Variants in PRDM16 observed in about 807,000 individuals in gnomAD.
PRDM16 encodes the protein histone-lysine N-methyltransferase PRDM16.
A neutral mutation model predicts 110.6 loss-of-function variants in PRDM16; 23 were observed. That is an observed-to-expected ratio of 0.21 (90% CI 0.15 to 0.29). PRDM16 has a LOEUF of 0.29. PRDM16 is among the 10% of genes least tolerant of loss of function. The probability of loss-of-function intolerance (pLI) is 1.00; values close to 1 mark genes in which losing one functional copy is unlikely to be tolerated. For missense variants in PRDM16, 1,615 were observed against 1,794.3 expected, an observed-to-expected ratio of 0.90 and a Z score of 1.81; for synonymous variants, 799 against 781.8, an observed-to-expected ratio of 1.02 and a Z score of -0.37.
At chr1:3,194,105 G>A (rs528620259) in intron 2 of PRDM16, among the ~76,000 whole-genome samples, 2 of 152,238 alleles carry the variant, frequency 1.3e-5, no homozygotes, top group Non-Finnish European at 2.9e-5. Context: ...TCCGGCACCT[G>A]CACCAGACCG....
At chr1:3,184,181 A>G (rs1644242290) in intron 1 of PRDM16, among the ~76,000 whole-genome samples, 1 of 152,198 alleles carries the variant, frequency 6.6e-6, no homozygotes, top group Non-Finnish European at 1.5e-5. Context: ...TTAAAACATA[A>G]TAATTACTTC....
At chr1:3,386,142 T>TGCC (rs1557645847) in intron 4 of PRDM16, among the ~76,000 whole-genome samples, 1 of 151,376 alleles carries the variant, frequency 6.6e-6, no homozygotes, top group East Asian at 2.0e-4. Flanking sequence ...CGTGCGTTCC[T>TGCC]CGGGGTGCCC....
chr1:3,379,188 A>ACACACCCCTCCCAG (rs2100593845), intron 3 of PRDM16, among the ~76,000 whole-genome samples: 1 of 69,250 alleles, frequency 1.4e-5, no homozygotes, highest in South Asian at 9.3e-4. Context: ...ACCCCTCCCA[A>ACACACCCCTCCCAG]CACACCCCTC....
At chr1:3,141,751 A>G (rs888694521) in intron 1 of PRDM16, among the ~76,000 whole-genome samples, 21 of 152,336 alleles carry the variant, frequency 1.4e-4, no homozygotes, top group Non-Finnish European at 1.2e-4. Context: ...CAGAGAGGGA[A>G]ACAGACATAG....
chr1:3,353,526 C>A lies in PRDM16; in HGVS notation c.439-31626C>A, dbSNP rs1642535578. On this transcript the variant is annotated intron_variant, in intron 3 of 16. Coordinates refer to ENST00000270722, the MANE Select transcript of PRDM16 (RefSeq NM_022114.4). This position sits in a 1 kb window ranked among gnomAD's most constrained non-coding sequence, Gnocchi z 5.4. ...GCCATGGGAGCCCAAGGGTGGCTCCCTCGGGCCACCCCGTTACACTCCAGC... is the reference window on the plus strand; with the variant it reads ...GCCATGGGAGCCCAAGGGTGGCTCCATCGGGCCACCCCGTTACACTCCAGC... Among the ~76,000 whole-genome samples the A allele has an allele frequency of 6.6e-6, 1 of 152,196 alleles. No homozygotes were observed. The highest frequency in any genetic ancestry group is 1.5e-5 in the Non-Finnish European group (1 of 68,034).
At chr1:3,145,577 C>T (rs577183932) in intron 1 of PRDM16, among the ~76,000 whole-genome samples, 11 of 152,170 alleles carry the variant, frequency 7.2e-5, no homozygotes, top group Non-Finnish European at 1.3e-4. Context: ...TCCCTCTCCA[C>T]GTGGTGCAGC....
intron 2 of PRDM16, among the ~76,000 whole-genome samples, chr1:3,210,280 C>T (rs1273256702): frequency 6.6e-6 from 1 of 152,192 alleles, no homozygotes; most frequent in Non-Finnish European, 1.5e-5. Flanking sequence ...AACATGAAGG[C>T]AGCTCGAGGC....
intron 3 of PRDM16, among the ~76,000 whole-genome samples, chr1:3,333,644 TGTG>T (rs147117219): frequency 0.18 from 27,492 of 151,930 alleles, 5,078 homozygotes; most frequent in African/African-American, 0.47. Flanking sequence ...AGGTCACAGA[TGTG>T]GTGGTGGGGT....
At chr1:3,419,816 C>A (rs1638379208) in intron 12 of PRDM16, among the ~76,000 whole-genome samples, 1 of 152,064 alleles carries the variant, frequency 6.6e-6, no homozygotes, top group South Asian at 2.1e-4. Flanking sequence ...ACAGAGCAAG[C>A]ATCCCCGGCT....
At chr1:3,114,473 T>G (rs1215852522) in intron 1 of PRDM16, among the ~76,000 whole-genome samples, 1 of 131,444 alleles carries the variant, frequency 7.6e-6, no homozygotes, top group Non-Finnish European at 1.6e-5. Context: ...ACACGCAGTG[T>G]AAACAGACAC....
At chr1:3,228,282 G>A (rs1639337580) in intron 2 of PRDM16, among the ~76,000 whole-genome samples, 1 of 152,218 alleles carries the variant, frequency 6.6e-6, no homozygotes, top group African/African-American at 2.4e-5. Flanking sequence ...CCTTGAAAGT[G>A]GAACAGGATC....
intron 3 of PRDM16, among the ~76,000 whole-genome samples, chr1:3,285,829 C>A (rs1171659923): frequency 1.3e-5 from 2 of 152,230 alleles, no homozygotes; most frequent in African/African-American, 4.8e-5. Context: ...CCCTCTCTGG[C>A]AAGAGCTTCT....
chr1:3,118,688 G>T (rs1017224647), intron 1 of PRDM16, among the ~76,000 whole-genome samples: 1 of 152,210 alleles, frequency 6.6e-6, no homozygotes, highest in South Asian at 2.1e-4. Flanking sequence ...GCAGTCGGGG[G>T]GTGTCAGGGA....
At chr1:3,331,602 G>C (rs1642043254) in intron 3 of PRDM16, among the ~76,000 whole-genome samples, 1 of 152,306 alleles carries the variant, frequency 6.6e-6, no homozygotes, top group African/African-American at 2.4e-5. Flanking sequence ...ATCCCGGAAA[G>C]GAAACACATT....
At chr1:3,225,460 C>T (rs908182192) in intron 2 of PRDM16, among the ~76,000 whole-genome samples, 3 of 152,036 alleles carry the variant, frequency 2.0e-5, no homozygotes, top group African/African-American at 2.4e-5. Flanking sequence ...GCCAGCACGG[C>T]GCGTGGACAC....
At chr1:3,387,816 TAAG>T (rs1166415597) in intron 4 of PRDM16, among the ~76,000 whole-genome samples, 1 of 152,238 alleles carries the variant, frequency 6.6e-6, no homozygotes, top group African/African-American at 2.4e-5. Context: ...TGAATAATAA[TAAG>T]ATTTAAACAC....
chr1:3,396,473 C>T lies in PRDM16; in HGVS notation c.574-18C>T. 1.4e-6 allele frequency: 2 copies of T among 1,402,676 alleles called. No homozygotes were observed. The highest frequency in any genetic ancestry group is 1.0e-6 in the Non-Finnish European group (1 of 1,002,012). The allele number at this position is 1,402,676 out of a possible 1,614,324, so 86.9% of individuals were successfully genotyped here. A position where few individuals can be genotyped will look rare whatever the true frequency, so the allele number is the denominator to read the frequency against. On this transcript the variant is annotated intron_variant, in intron 4 of 16. Coordinates refer to ENST00000270722, the MANE Select transcript of PRDM16 (RefSeq NM_022114.4). Reference sequence around the variant, plus strand: ...AACAAACCACACTCACCCTTTCTCTCTGGTCTCTCCATCCTAGATTTACTA... The same window carrying T: ...AACAAACCACACTCACCCTTTCTCTTTGGTCTCTCCATCCTAGATTTACTA...
At chr1:3,345,705 A>G (rs12564920) in intron 3 of PRDM16, among the ~76,000 whole-genome samples, 51,944 of 150,828 alleles carry the variant, frequency 0.34, 9,491 homozygotes, top group East Asian at 0.62. Context: ...GGGTCCTCCC[A>G]TGCTGCCCTC....
At chr1:3,122,226 G>A (rs552076649) in intron 1 of PRDM16, among the ~76,000 whole-genome samples, 6 of 152,282 alleles carry the variant, frequency 3.9e-5, no homozygotes, top group African/African-American at 9.6e-5. Flanking sequence ...GGGAAAAACC[G>A]AGTGCCCCTT....
Sources: gnomAD v4.1 joint callset for allele counts (sites outside exome capture counted in the v4.1 genomes callset) on GRCh38, gnomAD v4.1.1 for gene constraint, Gnocchi (gnomAD v3.1) non-coding constraint, MANE v1.5 for transcripts, NCBI Gene and HGNC (gene_info 2026-07-23, HGNC 2026-07-21) for gene names.